Variants in PCDH9 observed in about 807,000 individuals in gnomAD.
PCDH9 encodes the protein protocadherin 9, also known as protocadherin-9.
PCDH9 carries 24 observed loss-of-function variants against 70.6 expected under a neutral mutation model. The observed-to-expected ratio is 0.34, with a 90% confidence interval of 0.25 to 0.48. The LOEUF (loss-of-function observed/expected upper bound fraction) is 0.48, where lower values mean the gene tolerates loss of function less well. Among genes scored for constraint, PCDH9 ranks in the 20% least tolerant of loss-of-function variants. The pLI, the probability that PCDH9 is intolerant of heterozygous loss-of-function variation, is 0.99. For missense variants in PCDH9, 1,281 were observed against 1,503.6 expected (o/e 0.85, Z 2.45); for synonymous variants, 562 against 558.5 (o/e 1.01, Z -0.09).
intron 2 of PCDH9, among the ~76,000 whole-genome samples, chr13:66,965,452 C>T (rs2083415160): frequency 6.6e-6 from 1 of 152,042 alleles, no homozygotes; most frequent in Admixed American, 6.6e-5. Context: ...GCCACTTTTT[C>T]TCACCACTCC....
At chr13:67,127,696 G>GTGTGTT (rs35300523) in intron 2 of PCDH9, among the ~76,000 whole-genome samples, 3 of 151,176 alleles carry the variant, frequency 2.0e-5, no homozygotes, top group African/African-American at 4.9e-5. Flanking sequence ...GTGTGTGTGT[G>GTGTGTT]TGTGTATGTG....
intron 4 of PCDH9, among the ~76,000 whole-genome samples, chr13:66,478,929 G>T (rs921229893): frequency 6.6e-6 from 1 of 152,194 alleles, no homozygotes; most frequent in African/African-American, 2.4e-5. Context: ...GGAAGATGAT[G>T]AAATCTAGAA....
At chr13:66,675,684 G>A (rs982898864) in intron 3 of PCDH9, among the ~76,000 whole-genome samples, 4 of 152,082 alleles carry the variant, frequency 2.6e-5, no homozygotes, top group African/African-American at 9.7e-5. Flanking sequence ...GGATGAGTAA[G>A]TAGTGTTAAA....
chr13:67,107,931 C>A (rs2086580311), intron 2 of PCDH9, among the ~76,000 whole-genome samples: 2 of 152,184 alleles, frequency 1.3e-5, no homozygotes, highest in African/African-American at 4.8e-5. Context: ...CCACTGCATT[C>A]CCTTTGTCTA....
intron 4 of PCDH9, among the ~76,000 whole-genome samples, chr13:66,392,059 A>G (rs1957028231): frequency 6.6e-6 from 1 of 151,940 alleles, no homozygotes; most frequent in African/African-American, 2.4e-5. Flanking sequence ...AAAGCTAGGA[A>G]TGAGAGAGAA....
intron 2 of PCDH9, among the ~76,000 whole-genome samples, chr13:66,944,244 ATC>A (rs34863785): frequency 0.078 from 11,837 of 152,108 alleles, 902 homozygotes; most frequent in African/African-American, 0.2. Context: ...TTTCTAATAA[ATC>A]TCTGTTTCTT....
chr13:66,667,142 A>G (rs182713159), intron 3 of PCDH9, among the ~76,000 whole-genome samples: 431 of 152,294 alleles, frequency 2.8e-3, no homozygotes, highest in African/African-American at 9.7e-3. Context: ...ATCTGATAAA[A>G]TGGATCTAAC....
intron 4 of PCDH9, among the ~76,000 whole-genome samples, chr13:66,312,610 CA>C (rs11352387): frequency 0.61 from 84,337 of 137,466 alleles, 24,008 homozygotes; most frequent in Middle Eastern, 0.67. Context: ...GATCCTGCCT[CA>C]AAAAAAAAAA....
intron 2 of PCDH9, among the ~76,000 whole-genome samples, chr13:67,000,952 A>C (rs1420955046): frequency 6.6e-6 from 1 of 152,190 alleles, no homozygotes; most frequent in Non-Finnish European, 1.5e-5. Flanking sequence ...ACTTGCATTT[A>C]TCAAATACGT....
At chr13:66,526,549 G>A (rs74093323) in intron 4 of PCDH9, among the ~76,000 whole-genome samples, 3,681 of 151,070 alleles carry the variant, frequency 0.024, 161 homozygotes, top group African/African-American at 0.085. Flanking sequence ...GTCTCTCTCT[G>A]GAGTGCATAG....
At chr13:66,342,467 C>T (rs1472286410) in intron 4 of PCDH9, among the ~76,000 whole-genome samples, 1 of 152,128 alleles carries the variant, frequency 6.6e-6, no homozygotes, top group Non-Finnish European at 1.5e-5. Flanking sequence ...GAATTTACTC[C>T]TTATAACAGG....
At chr13:66,816,548 C>A (rs1040418887) in intron 3 of PCDH9, among the ~76,000 whole-genome samples, 1 of 152,120 alleles carries the variant, frequency 6.6e-6, no homozygotes, top group Non-Finnish European at 1.5e-5. Context: ...CTCTTCCTAC[C>A]CTCTCCAGGC....
At chr13:66,318,335 T>C (rs538082203) in intron 4 of PCDH9, among the ~76,000 whole-genome samples, 28 of 152,306 alleles carry the variant, frequency 1.8e-4, no homozygotes, top group Middle Eastern at 3.4e-3. Flanking sequence ...AGAAGAGAAA[T>C]TGTGTCTCTT....
At chr13:66,890,697 C>T (rs2082082697) in intron 3 of PCDH9, among the ~76,000 whole-genome samples, 1 of 152,016 alleles carries the variant, frequency 6.6e-6, no homozygotes, top group South Asian at 2.1e-4. Context: ...CTCAAATGGC[C>T]TAATCACATC....
At chr13:67,070,816 T>C (rs2085747299) in intron 2 of PCDH9, among the ~76,000 whole-genome samples, 1 of 151,984 alleles carries the variant, frequency 6.6e-6, no homozygotes, top group Non-Finnish European at 1.5e-5. Flanking sequence ...AAGTTGATTC[T>C]TTTTTTTCTG....
intron 4 of PCDH9, among the ~76,000 whole-genome samples, chr13:66,448,231 C>CCA (rs1440445564): frequency 1.3e-5 from 2 of 152,124 alleles, no homozygotes. Flanking sequence ...TTCTGATGAC[C>CCA]TAATATTGGA....
At chr13:66,312,474 G>T (rs1955579055) in intron 4 of PCDH9, among the ~76,000 whole-genome samples, 1 of 152,048 alleles carries the variant, frequency 6.6e-6, no homozygotes, top group Non-Finnish European at 1.5e-5. Context: ...AGCCAGGCAT[G>T]GTGTCATGCG....
At chr13:66,930,755 G>A (rs1015256541) in intron 2 of PCDH9, among the ~76,000 whole-genome samples, 3 of 151,956 alleles carry the variant, frequency 2.0e-5, no homozygotes, top group Non-Finnish European at 4.4e-5. Context: ...ATAGCATAAT[G>A]GCATCAATGT....
chr13:66,971,853 C>T (rs1594330156), intron 2 of PCDH9, among the ~76,000 whole-genome samples: 1 of 152,032 alleles, frequency 6.6e-6, no homozygotes, highest in Middle Eastern at 3.4e-3. Context: ...TGCTGTTTCA[C>T]ATTTTTGTAA....
Sources: allele counts gnomAD v4.1 joint callset (sites outside exome capture counted in the v4.1 genomes callset), GRCh38; gene constraint gnomAD v4.1.1; transcripts MANE v1.5; gene names NCBI Gene and HGNC (gene_info 2026-07-23, HGNC 2026-07-21).